C1QBP: variants seen among roughly 807,000 people sequenced by gnomAD.
The protein encoded by C1QBP is complement C1q binding protein, also known as complement component 1 Q subcomponent-binding protein, mitochondrial.
A neutral mutation model predicts 29.4 loss-of-function variants in C1QBP; 24 were observed. That is an observed-to-expected ratio of 0.82 (90% CI 0.59 to 1.15). The LOEUF is 1.15. Ranked by LOEUF, C1QBP falls within the 50% of genes most tolerant of loss-of-function variation. The pLI, the probability that C1QBP is intolerant of heterozygous loss-of-function variation, is 0.00. For missense variants in C1QBP, 337 were observed against 355.8 expected, an observed-to-expected ratio of 0.95 and a Z score of 0.43; for synonymous variants, 182 against 149.2, an observed-to-expected ratio of 1.22 and a Z score of -1.60.
intron 2 of C1QBP, among the ~76,000 whole-genome samples, chr17:5,437,387 AGCGCGGTG>A (rs1266995384): frequency 6.6e-6 from 1 of 152,234 alleles, no homozygotes; most frequent in Admixed American, 6.5e-5. Context: ...CCCAGGCTGG[AGCGCGGTG>A]GCGCGATCTC....
chr17:5,433,474 G>A, intron 4 of C1QBP, 59 bp from the exon 5 acceptor site: 2 of 1,606,160 alleles, frequency 1.2e-6, no homozygotes, highest in South Asian at 1.1e-5. Flanking sequence ...AGACTCAGGG[G>A]AAGAAAGGGG....
chr17:5,438,112 C>T lies in C1QBP; in HGVS notation c.383+11G>A. The stretch of plus-strand genomic sequence containing the variant: ...GAGTTGCTGCCCTGGGATCCCCAGA[C>T]CAGTACTTACTTTTCCCCGGCAACT... On this transcript the variant is annotated intron_variant, in intron 2 of 5. Coordinates refer to ENST00000225698, the MANE Select transcript of C1QBP (RefSeq NM_001212.4). The T allele has an allele frequency of 6.2e-7, 1 of 1,611,656 alleles. No homozygotes were observed. Among genetic ancestry groups the T allele is most frequent in the South Asian group, 1.1e-5 (1 of 90,902 alleles).
intron 1 of C1QBP, 62 bp from the exon 2 acceptor site, chr17:5,438,335 A>C: frequency 1.3e-6 from 2 of 1,569,322 alleles, no homozygotes. Context: ...TAAAACTATT[A>C]CCCAGGTTAT....
intron 1 of C1QBP, chr17:5,438,556 C>T: frequency 1.4e-6 from 1 of 713,292 alleles, no homozygotes; most frequent in Non-Finnish European, 2.2e-6. Flanking sequence ...TATAACTATG[C>T]TATTTTCAAC....
chr17:5,432,874 A>G lies in C1QBP; in HGVS notation c.*141T>C. ...AAAATGATAATAAATGAGAACACAAAACATATAATTTAAATTTGGTATTTT... is the reference window on the plus strand; with the variant it reads ...AAAATGATAATAAATGAGAACACAAGACATATAATTTAAATTTGGTATTTT... On this transcript the variant is annotated 3_prime_UTR_variant, in exon 6 of 6. Coordinates refer to ENST00000225698, the MANE Select transcript of C1QBP (RefSeq NM_001212.4). 1 of 1,048,030 alleles carries G rather than the reference A, an allele frequency of 9.5e-7. No individual in the cohort carries two copies. The highest frequency in any genetic ancestry group is 1.3e-6 in the Non-Finnish European group (1 of 750,766). The allele number at this position is 1,048,030 out of a possible 1,614,324, so 64.9% of individuals were successfully genotyped here.
Position 5,434,976 on chromosome 17 carries a change from C to T in C1QBP, c.384-10G>A. The T allele has an allele frequency of 6.2e-7, 1 of 1,609,538 alleles. No homozygotes were observed. The highest frequency in any genetic ancestry group is 8.5e-7 in the Non-Finnish European group (1 of 1,176,290). ...GAAAGTGACCGTGATTCTAAAACGG[C>T]AAGGGAAAACAGACAAGGCAAAACA... On this transcript the variant is annotated splice_polypyrimidine_tract_variant and intron_variant, in intron 2 of 5. Transcript: ENST00000225698.
intron 2 of C1QBP, among the ~76,000 whole-genome samples, chr17:5,436,047 A>G (rs1294316246): frequency 3.4e-5 from 5 of 146,184 alleles, no homozygotes; most frequent in Non-Finnish European, 6.0e-5. Flanking sequence ...TCTGTCAGAA[A>G]AAAAAAAAAA....
At position 5,438,984 on chromosome 17, in the gene C1QBP, C is replaced by T. The variant is rs1916350608; in HGVS notation, c.90G>A (p.Gln30=). 3 of 1,502,638 alleles carry T rather than the reference C, an allele frequency of 2.0e-6. No homozygotes were observed. Among genetic ancestry groups the T allele is most frequent in the Non-Finnish European group, 2.7e-6 (3 of 1,128,246 alleles). The allele number at this position is 1,502,638 out of a possible 1,614,324, so 93.1% of individuals were successfully genotyped here. A position where few individuals can be genotyped will look rare whatever the true frequency, so the allele number is the denominator to read the frequency against. The change falls in exon 1 of 6, where the codon CAG becomes CAA. Residue 30 remains glutamine (Q), a synonymous_variant. Coordinates refer to ENST00000225698, the MANE Select transcript of C1QBP (RefSeq NM_001212.4). ...ACAGCCGGGGTGCCGGCTGCAGGAG[C>T]TGCCGGAAAGGCGAGGCGGGCGCGG... ...RAAAPASPFR[Q]LLQPAPRLCT...
Position 5,436,158 on chromosome 17 carries a change from A to G in C1QBP, c.384-1192T>C, listed in dbSNP as rs569748722. On this transcript the variant is annotated intron_variant, in intron 2 of 5. Coordinates refer to ENST00000225698, the MANE Select transcript of C1QBP (RefSeq NM_001212.4). ...CAACAGAGGCAGTCTGAGGTTGACA[A>G]AATCTGTCTAATTCCAACTGTGCTG... Among the ~76,000 whole-genome samples, 4 of 151,316 alleles carry G rather than the reference A, an allele frequency of 2.6e-5. No homozygotes were observed. In the South Asian group the frequency reaches 8.3e-4, roughly 31 times the overall value.
chr17:5,433,732 T>G lies in C1QBP; in HGVS notation c.513A>C (p.Glu171Asp). Residue 171 changes from glutamate (E) to aspartate (D), a missense_variant, in exon 4 of 6, where the codon GAA (glutamate) becomes GAC (aspartate). Physicochemically the swap from Glu to Asp is conservative, Grantham distance 45 (BLOSUM62 2). Coordinates refer to ENST00000225698, the MANE Select transcript of C1QBP (RefSeq NM_001212.4). ...TCTTGCCATCATCATTCTTTATAAC[T>G]TCAACCACGAAATTGGGAGTTGATG... ...ELTSTPNFVV[E>D]VIKNDDGKKA... is the part of the protein sequence containing the mutation. 1 of 1,614,190 alleles carries G rather than the reference T, an allele frequency of 6.2e-7. No individual in the cohort carries two copies. Among genetic ancestry groups the G allele is most frequent in the Non-Finnish European group, 8.5e-7 (1 of 1,180,036 alleles).
intron 2 of C1QBP, among the ~76,000 whole-genome samples, chr17:5,436,064 AG>A (rs1213334282): frequency 2.8e-5 from 4 of 142,582 alleles, no homozygotes; most frequent in South Asian, 2.3e-4. Context: ...AAAAAAAAAA[AG>A]AGTACATGAA....
chr17:5,432,943 C>T lies in C1QBP; in HGVS notation c.*72G>A, dbSNP rs1003634208. 3.3e-6 allele frequency: 5 copies of T among 1,499,310 alleles called. No individual in the cohort carries two copies. Among genetic ancestry groups the T allele is most frequent in the Non-Finnish European group, 4.5e-6 (5 of 1,112,946 alleles). The allele number at this position is 1,499,310 out of a possible 1,614,324, so 92.9% of individuals were successfully genotyped here. A position where few individuals can be genotyped will look rare whatever the true frequency, so the allele number is the denominator to read the frequency against. On this transcript the variant is annotated 3_prime_UTR_variant, in exon 6 of 6. Transcript: ENST00000225698. ...ATGATAATCATTTCAAAGCACATGT[C>T]TAGCTTCAGAGTAGGATTTGTTCAC...
Position 5,433,112 on chromosome 17 carries a change from GT to G in C1QBP, c.751del (p.Thr251LeufsTer38). Reference sequence around the variant, plus strand: ...GAGCTCCACCAGCTCATCTGCAAAAGTGTTGTCCACCCCTCGGTCGGCAAGG... The same window carrying G: ...GAGCTCCACCAGCTCATCTGCAAAAGGTTGTCCACCCCTCGGTCGGCAAGG... ...DFLADRGVDN[T>X]FADELVELST... On this transcript the variant is annotated frameshift_variant, in exon 6 of 6. Transcript: ENST00000225698. LOFTEE classifies it high-confidence loss of function. The G allele has an allele frequency of 6.2e-7, 1 of 1,614,160 alleles. No individual in the cohort carries two copies. Among genetic ancestry groups the G allele is most frequent in the Non-Finnish European group, 8.5e-7 (1 of 1,180,020 alleles).
chr17:5,433,010 C>G lies in C1QBP; in HGVS notation c.*5G>C, dbSNP rs1377530775. On this transcript the variant is annotated 3_prime_UTR_variant, in exon 6 of 6. Transcript: ENST00000225698. ...TGAAACTATGGCTTTCAGCATCTGT[C>G]TGCTCTACTGGCTCTTGACAAAACT... 11 of 1,608,752 alleles carry G rather than the reference C, an allele frequency of 6.8e-6. No homozygotes were observed. The highest frequency in any genetic ancestry group is 9.3e-6 in the Non-Finnish European group (11 of 1,178,224).
chr17:5,434,563 G>C, intron 3 of C1QBP: 1 of 186,848 alleles, frequency 5.4e-6, no homozygotes, highest in Non-Finnish European at 1.1e-5. Context: ...TGCCTCCCGG[G>C]TTCAAGCGAT....
chr17:5,433,615 A>AGGGACACACTG (rs1916171872), intron 4 of C1QBP, 54 bp downstream of exon 4: 1 of 1,572,908 alleles, frequency 6.4e-7, no homozygotes, highest in Non-Finnish European at 8.8e-7. Context: ...GAAGTTCCCA[A>AGGGACACACTG]GGGACACACT....
chr17:5,435,264 A>G (rs1916239399), intron 2 of C1QBP, among the ~76,000 whole-genome samples: 1 of 152,226 alleles, frequency 6.6e-6, no homozygotes, highest in Non-Finnish European at 1.5e-5. Flanking sequence ...CAACAGGGCC[A>G]GTACCCCAGG....
intron 3 of C1QBP, chr17:5,434,121 G>T (rs1275702921): frequency 3.7e-6 from 1 of 268,248 alleles, no homozygotes; most frequent in African/African-American, 2.2e-5. Flanking sequence ...ACTGTTCCAG[G>T]AGTCTTCATA....
chr17:5,434,054 T>C, intron 3 of C1QBP: 1 of 438,422 alleles, frequency 2.3e-6, no homozygotes, highest in Non-Finnish European at 4.2e-6. Context: ...CCAAGCCTTT[T>C]CCTCCACCCG....
Sources: gnomAD v4.1 joint callset for allele counts (sites outside exome capture counted in the v4.1 genomes callset) on GRCh38, gnomAD v4.1.1 for gene constraint, MANE v1.5 for transcripts, NCBI Gene and HGNC (gene_info 2026-07-23, HGNC 2026-07-21) for gene names.